The following ATP9B variants were observed in gnomAD, a reference collection of about 807,000 sequenced individuals.
ATP9B encodes the protein ATPase phospholipid transporting 9B.
ATP9B carries 110 observed loss-of-function variants against 146.1 expected under a neutral mutation model. The observed-to-expected ratio is 0.75, with a 90% CI of 0.65 to 0.88. ATP9B has a LOEUF of 0.88. ATP9B is among the 40% of genes least tolerant of loss of function. The probability of loss-of-function intolerance (pLI) is 0.00; values close to 1 mark genes in which losing one functional copy is unlikely to be tolerated. For synonymous variants in ATP9B, 604 were observed against 569.7 expected (o/e 1.06, Z -0.86); for missense variants, 1,499 against 1,496.4 (o/e 1.00, Z -0.03).
intron 9 of ATP9B, chr18:79,194,334 T>A (rs2095397869): frequency 6.6e-6 from 1 of 152,258 alleles, no homozygotes; most frequent in African/African-American, 2.4e-5. Context: ...GCTTTCTTCC[T>A]TTCCTTTTCT....
intron 7 of ATP9B, among the ~76,000 whole-genome samples, chr18:79,171,882 T>TG (rs2095077495): frequency 1.4e-5 from 2 of 144,972 alleles, no homozygotes; most frequent in African/African-American, 5.4e-5. Context: ...AGACTCGTTT[T>TG]TTTTTGTTTG....
chr18:79,232,030 G>A (rs1013739138), intron 11 of ATP9B, among the ~76,000 whole-genome samples: 3 of 151,972 alleles, frequency 2.0e-5, no homozygotes, highest in Non-Finnish European at 4.4e-5. Context: ...GGAGGTGGGC[G>A]AGGGATGAAA....
chr18:79,153,178 T>G (rs949079803), intron 6 of ATP9B, among the ~76,000 whole-genome samples: 7 of 152,188 alleles, frequency 4.6e-5, no homozygotes, highest in Non-Finnish European at 7.4e-5. Flanking sequence ...TTATTTACCA[T>G]GGGTAGATAA....
chr18:79,238,365 G>A (rs1383136797), intron 11 of ATP9B, among the ~76,000 whole-genome samples: 1 of 152,118 alleles, frequency 6.6e-6, no homozygotes, highest in Non-Finnish European at 1.5e-5. Context: ...TACGTGAGGT[G>A]GTGATTGTGG....
chr18:79,123,184 C>T (rs1273698906), intron 4 of ATP9B, among the ~76,000 whole-genome samples: 1 of 152,016 alleles, frequency 6.6e-6, no homozygotes, highest in Non-Finnish European at 1.5e-5. Context: ...AGGGAATCTA[C>T]ACACAAAAAC....
At chr18:79,123,006 A>G (rs2094215399) in intron 4 of ATP9B, among the ~76,000 whole-genome samples, 1 of 152,184 alleles carries the variant, frequency 6.6e-6, no homozygotes, top group Non-Finnish European at 1.5e-5. Flanking sequence ...AAAAGACTGA[A>G]TGTGTTCCCC....
intron 7 of ATP9B, chr18:79,173,648 C>T (rs139408193): frequency 6.6e-5 from 30 of 452,720 alleles, no homozygotes; most frequent in African/African-American, 5.4e-4. Context: ...TGGGGGGACT[C>T]TCTCTGGGTT....
At chr18:79,331,057 G>T (rs1468565858) in intron 17 of ATP9B, among the ~76,000 whole-genome samples, 1 of 152,198 alleles carries the variant, frequency 6.6e-6, no homozygotes, top group Non-Finnish European at 1.5e-5. Flanking sequence ...GTAGCCTCAT[G>T]AGATGATTTT....
At chr18:79,278,295 G>A (rs1420588232) in intron 13 of ATP9B, among the ~76,000 whole-genome samples, 3 of 152,126 alleles carry the variant, frequency 2.0e-5, no homozygotes, top group East Asian at 1.9e-4. Flanking sequence ...CGAGTGGTGC[G>A]GTAGCTTCAC....
chr18:79,334,445 C>G (rs962286377), intron 17 of ATP9B, among the ~76,000 whole-genome samples: 17 of 151,868 alleles, frequency 1.1e-4, no homozygotes, highest in African/African-American at 4.1e-4. Context: ...TTTTAATGTA[C>G]TTTTTATAGA....
chr18:79,190,508 TTA>T lies in ATP9B; in HGVS notation c.874-2672_874-2671del, dbSNP rs1491132052. Among the ~76,000 whole-genome samples the T allele has an allele frequency of 4.8e-5, 5 of 104,940 alleles. No individual in the cohort carries two copies. In the South Asian group the frequency reaches 9.0e-4, roughly 19 times the overall value. The allele number at this position is 104,940 out of a possible 152,430, so 68.8% of individuals were successfully genotyped here. A position where few individuals can be genotyped will look rare whatever the true frequency, so the allele number is the denominator to read the frequency against. On this transcript the variant is annotated intron_variant, in intron 8 of 29. Transcript: ENST00000426216. ...CATAAACTGTTCCAGCCCTTTTTAT[TTA>T]TACACACACACACACACACACACAC...
chr18:79,140,868 A>C (rs1454386276), intron 5 of ATP9B, among the ~76,000 whole-genome samples: 1 of 152,188 alleles, frequency 6.6e-6, no homozygotes, highest in African/African-American at 2.4e-5. Flanking sequence ...TGTTCATGGG[A>C]ACAAGTGAGA....
intron 4 of ATP9B, 89 bp from the exon 5 acceptor site, chr18:79,126,178 T>G: frequency 9.3e-7 from 1 of 1,074,732 alleles, no homozygotes; most frequent in Non-Finnish European, 1.4e-6. Context: ...TAATATAAAT[T>G]GAAGGAAAAA....
At position 79,283,569 on chromosome 18, in the gene ATP9B, A is replaced by G. The variant is rs141595044; in HGVS notation, c.1411+6373A>G. On this transcript the variant is annotated intron_variant, in intron 13 of 29. Coordinates refer to ENST00000426216, the MANE Select transcript of ATP9B (RefSeq NM_198531.5). The stretch of plus-strand genomic sequence containing the variant: ...TTTCCTTCTTGTGGACAAGAAAGCA[A>G]TGTGGTATAATTAGGTTTGATTGGA... 1.2e-4 allele frequency among the ~76,000 whole-genome samples: 18 copies of G among 152,306 alleles called. No homozygotes were observed. In the East Asian group the frequency reaches 2.3e-3, roughly 20 times the overall value.
intron 14 of ATP9B, among the ~76,000 whole-genome samples, chr18:79,305,016 C>T (rs1310316276): frequency 1.3e-5 from 2 of 152,124 alleles, no homozygotes; most frequent in East Asian, 3.9e-4. Context: ...CACGGCACTG[C>T]TCCCCGGACT....
At chr18:79,069,645 C>T (rs1309323009) in intron 1 of ATP9B, 116 bp downstream of exon 1, 3 of 617,252 alleles carry the variant, frequency 4.9e-6, no homozygotes, top group Non-Finnish European at 7.1e-6. Flanking sequence ...CCCATCTGTT[C>T]GCTGGGAGCC....
At chr18:79,152,605 A>G (rs2094707724) in intron 6 of ATP9B, among the ~76,000 whole-genome samples, 1 of 152,166 alleles carries the variant, frequency 6.6e-6, no homozygotes, top group Non-Finnish European at 1.5e-5. Context: ...TATTCTTGTC[A>G]TGTTTGATGA....
intron 11 of ATP9B, among the ~76,000 whole-genome samples, chr18:79,224,011 GACTT>G (rs2095705523): frequency 6.6e-6 from 1 of 152,058 alleles, no homozygotes; most frequent in Middle Eastern, 3.2e-3. Flanking sequence ...TCACAGAAAA[GACTT>G]AGTTAGCTTT....
chr18:79,107,887 G>A (rs975402235), intron 2 of ATP9B, among the ~76,000 whole-genome samples: 2 of 152,118 alleles, frequency 1.3e-5, no homozygotes, highest in African/African-American at 4.8e-5. Context: ...ATTGCCTAGT[G>A]GTTTAGTCTT....
Sources: allele counts gnomAD v4.1 joint callset (sites outside exome capture counted in the v4.1 genomes callset), GRCh38; gene constraint gnomAD v4.1.1; transcripts MANE v1.5; gene names NCBI Gene and HGNC (gene_info 2026-07-23, HGNC 2026-07-21).